The following PLS1 variants were observed in gnomAD, a reference collection of about 807,000 sequenced individuals.
The protein encoded by PLS1 is plastin-1.
In PLS1, 32 loss-of-function variants were observed where a neutral mutation model predicts 73.7. The ratio of observed to expected loss-of-function variants is 0.43; its 90% CI spans 0.33 to 0.58. PLS1 has a LOEUF of 0.58. Among genes scored for constraint, PLS1 ranks in the 20% least tolerant of loss-of-function variants. The probability of loss-of-function intolerance (pLI) is 0.04; values close to 1 mark genes in which losing one functional copy is unlikely to be tolerated. For missense variants in PLS1, 633 were observed against 740.5 expected (o/e 0.85, Z 1.68); for synonymous variants, 217 against 261.3 (o/e 0.83, Z 1.63).
intron 4 of PLS1, among the ~76,000 whole-genome samples, chr3:142,675,645 A>G (rs1037982441): frequency 1.8e-4 from 27 of 151,478 alleles, no homozygotes; most frequent in African/African-American, 6.3e-4. Context: ...TCAGCCTCCC[A>G]AAGTGCTGGG....
rs1486694530 is a variant in PLS1, at chr3:142,676,207, G to A, written c.415G>A (p.Asp139Asn). The change falls in exon 5 of 16, where the codon GAC (aspartate) becomes AAC (asparagine). Residue 139 changes from aspartate to asparagine, a missense_variant. Physicochemically the swap from Asp to Asn is conservative, Grantham distance 23. Coordinates refer to ENST00000457734, the MANE Select transcript of PLS1 (RefSeq NM_001145319.2). The stretch of plus-strand genomic sequence containing the variant: ...CTGGATAAACAAAGCCCTGGAGAAT[G>A]ACCCTGACTGTAAGCATCTTATACC... ...VNWINKALEN[D>N]PDCKHLIPMN... 1 of 1,613,272 alleles carries A rather than the reference G, an allele frequency of 6.2e-7. No individual in the cohort carries two copies. Among genetic ancestry groups the A allele is most frequent in the East Asian group, 2.2e-5 (1 of 44,862 alleles).
At chr3:142,671,272 C>T (rs2107845150) in intron 4 of PLS1, 150 bp downstream of exon 4, 5 of 684,044 alleles carry the variant, frequency 7.3e-6, no homozygotes, top group South Asian at 6.7e-5. Context: ...CACAGTATAA[C>T]ATGCCATTGA....
chr3:142,710,185 T>TC (rs1443571097), intron 14 of PLS1, among the ~76,000 whole-genome samples: 4 of 150,908 alleles, frequency 2.7e-5, no homozygotes, highest in South Asian at 2.1e-4. Context: ...TTTTTTTTTT[T>TC]CCCATCTCTG....
chr3:142,637,133 T>A (rs1189460048), intron 1 of PLS1, among the ~76,000 whole-genome samples: 1 of 152,228 alleles, frequency 6.6e-6, no homozygotes, highest in Non-Finnish European at 1.5e-5. Flanking sequence ...GCAGCTTTTT[T>A]GTAATAACCA....
intron 12 of PLS1, among the ~76,000 whole-genome samples, chr3:142,700,232 C>T (rs1229133818): frequency 1.3e-5 from 2 of 152,200 alleles, no homozygotes; most frequent in East Asian, 3.9e-4. Flanking sequence ...GGGCAATAAT[C>T]AATACATGTC....
rs191741816 is a variant in PLS1, at chr3:142,700,408, T to C, written c.1371+2341T>C. Among the ~76,000 whole-genome samples the C allele has an allele frequency of 4.5e-3, 682 of 152,206 alleles. 12 individuals are homozygous for C. Among genetic ancestry groups the C allele is most frequent in the Middle Eastern group, 0.02 (6 of 294 alleles). On this transcript the variant is annotated intron_variant, in intron 12 of 15. Coordinates refer to ENST00000457734, the MANE Select transcript of PLS1 (RefSeq NM_001145319.2). ...CATGATCTCGGCTAACTGCAAGCTC[T>C]GCCTCCCAGGTTCATGCCATTCTCC...
At chr3:142,636,595 A>C (rs1408927437) in intron 1 of PLS1, among the ~76,000 whole-genome samples, 1 of 152,214 alleles carries the variant, frequency 6.6e-6, no homozygotes, top group African/African-American at 2.4e-5. Flanking sequence ...TCAAAATGTA[A>C]AAGTTCTAGC....
At chr3:142,688,977 A>G (rs1290711582) in intron 9 of PLS1, among the ~76,000 whole-genome samples, 1 of 152,180 alleles carries the variant, frequency 6.6e-6, no homozygotes, top group East Asian at 1.9e-4. Context: ...TGTTATCCAG[A>G]GGGCACTCTA....
chr3:142,603,741 G>T (rs941026048), intron 1 of PLS1, among the ~76,000 whole-genome samples: 62 of 149,270 alleles, frequency 4.2e-4, no homozygotes, highest in Non-Finnish European at 2.8e-4. Context: ...CTGCACTTTA[G>T]CCTGGGTGAC....
intron 12 of PLS1, chr3:142,698,326 T>C (rs2038254660): frequency 6.9e-6 from 2 of 289,702 alleles, no homozygotes; most frequent in South Asian, 6.5e-5. Flanking sequence ...CCTGTAAATG[T>C]ATTCTTTTTT....
At chr3:142,659,643 G>T (rs894821147) in intron 1 of PLS1, among the ~76,000 whole-genome samples, 1 of 151,492 alleles carries the variant, frequency 6.6e-6, no homozygotes, top group South Asian at 2.1e-4. Context: ...TCTCCTAGAG[G>T]ATCAGTTCCT....
At chr3:142,624,616 A>C (rs2036382253) in intron 1 of PLS1, among the ~76,000 whole-genome samples, 1 of 152,204 alleles carries the variant, frequency 6.6e-6, no homozygotes, top group African/African-American at 2.4e-5. Flanking sequence ...CCAGCTTTTA[A>C]AAAGTTAAGT....
chr3:142,631,143 G>A (rs1435135948), intron 1 of PLS1, among the ~76,000 whole-genome samples: 12 of 151,862 alleles, frequency 7.9e-5, no homozygotes, highest in African/African-American at 2.4e-5. Context: ...TTGGGAAGCC[G>A]AGGCAGGTGG....
chr3:142,662,059 A>C (rs897931519), intron 1 of PLS1, among the ~76,000 whole-genome samples: 2 of 152,218 alleles, frequency 1.3e-5, no homozygotes, highest in Non-Finnish European at 2.9e-5. Flanking sequence ...CAATCCAATT[A>C]CTGGGTATAT....
chr3:142,683,692 T>TACA (rs1367549722), intron 6 of PLS1, among the ~76,000 whole-genome samples: 1 of 152,152 alleles, frequency 6.6e-6, no homozygotes, highest in Non-Finnish European at 1.5e-5. Context: ...ATGAGCACTT[T>TACA]ACAAAAATAT....
chr3:142,712,085 T>G lies in PLS1; in HGVS notation c.*78T>G. 1 of 1,265,002 alleles carries G rather than the reference T, an allele frequency of 7.9e-7. No individual in the cohort carries two copies. Among genetic ancestry groups the G allele is most frequent in the Non-Finnish European group, 1.1e-6 (1 of 873,254 alleles). 78.4% of individuals were successfully genotyped at this position (1,265,002 alleles called of 1,614,324 possible). A position where few individuals can be genotyped will look rare whatever the true frequency, so the allele number is the denominator to read the frequency against. ...ACAGGATTCTGAAATGTAGTGGGTG[T>G]AAAACCAGAGATTATTTGTATGCTC... is the stretch of plus-strand genomic sequence containing the variant. On this transcript the variant is annotated 3_prime_UTR_variant, in exon 16 of 16. Transcript: ENST00000457734.
In PLS1 at chr3:142,684,349, C is replaced by T; in HGVS notation, c.842C>T (p.Thr281Ile). ...CTGCGATGGGTGAACTACCATCTGA[C>T]CAATGCAGGATGGCATACCATCAGC... ...LLLRWVNYHL[T>I]NAGWHTISNF... is the part of the protein sequence containing the mutation. Residue 281 changes from threonine (T) to isoleucine (I), a missense_variant, in exon 8 of 16, where the codon ACC (threonine) becomes ATC (isoleucine). Physicochemically the swap from Thr to Ile is moderately conservative, Grantham distance 89 (BLOSUM62 -1). Coordinates refer to ENST00000457734, the MANE Select transcript of PLS1 (RefSeq NM_001145319.2). 6.2e-7 allele frequency: 1 copy of T among 1,613,572 alleles called. No homozygotes were observed. The highest frequency in any genetic ancestry group is 8.5e-7 in the Non-Finnish European group (1 of 1,179,574).
intron 12 of PLS1, among the ~76,000 whole-genome samples, chr3:142,700,534 A>G (rs752395294): frequency 1.3e-5 from 2 of 152,182 alleles, no homozygotes; most frequent in Non-Finnish European, 2.9e-5. Context: ...CGTGTTAGCC[A>G]GGATGGTCTT....
chr3:142,703,118 A>C (rs890422201), intron 12 of PLS1, among the ~76,000 whole-genome samples: 3 of 152,198 alleles, frequency 2.0e-5, no homozygotes, highest in African/African-American at 7.2e-5. Flanking sequence ...TGGGTAAAGA[A>C]TATCGGAGAT....
Sources: allele counts gnomAD v4.1 joint callset (sites outside exome capture counted in the v4.1 genomes callset), GRCh38; gene constraint gnomAD v4.1.1; transcripts MANE v1.5; gene names NCBI Gene and HGNC (gene_info 2026-07-23, HGNC 2026-07-21).